TMEM135: variants seen among roughly 807,000 people sequenced by gnomAD.
TMEM135 encodes the protein transmembrane protein 135, also known as peroxisomal membrane protein 52.
TMEM135 carries 30 observed loss-of-function variants against 60.3 expected under a neutral mutation model. The observed-to-expected ratio is 0.50, with a 90% CI of 0.37 to 0.68. The LOEUF (loss-of-function observed/expected upper bound fraction) is 0.68, where lower values mean the gene tolerates loss of function less well. Among genes scored for constraint, TMEM135 ranks in the 30% least tolerant of loss-of-function variants. The pLI, the probability that TMEM135 is intolerant of heterozygous loss-of-function variation, is 0.00. For missense variants in TMEM135, 468 were observed against 548.8 expected, an observed-to-expected ratio of 0.85 and a Z score of 1.47; for synonymous variants, 190 against 186.7, an observed-to-expected ratio of 1.02 and a Z score of -0.14.
intron 6 of TMEM135, among the ~76,000 whole-genome samples, chr11:87,242,569 T>C (rs1941163080): frequency 9.5e-6 from 1 of 104,800 alleles, no homozygotes. Context: ...TGGTATCTCA[T>C]TGTGGTTTTG....
chr11:87,243,726 T>C (rs1277619036), intron 6 of TMEM135, among the ~76,000 whole-genome samples: 1 of 89,876 alleles, frequency 1.1e-5, no homozygotes, highest in Non-Finnish European at 2.7e-5. Context: ...TTTGCTGAAG[T>C]TGCTTATCAG....
chr11:87,321,488 A>C lies in TMEM135; in HGVS notation c.*155A>C. ...TGTTTTTCTTATGAATCAGAAATTC[A>C]GAAGCTTTTTAGGAAGATGTTGCTT... On this transcript the variant is annotated 3_prime_UTR_variant, in exon 15 of 15. Coordinates refer to ENST00000305494, the MANE Select transcript of TMEM135 (RefSeq NM_022918.4). 1.2e-6 allele frequency: 1 copy of C among 869,196 alleles called. No individual in the cohort carries two copies. Among genetic ancestry groups the C allele is most frequent in the South Asian group, 1.4e-5 (1 of 70,782 alleles). 53.8% of individuals were successfully genotyped at this position (869,196 alleles called of 1,614,324 possible). A position where few individuals can be genotyped will look rare whatever the true frequency, so the allele number is the denominator to read the frequency against.
At chr11:87,059,925 A>G (rs2513206) in intron 1 of TMEM135, among the ~76,000 whole-genome samples, 1 of 151,982 alleles carries the variant, frequency 6.6e-6, no homozygotes, top group Non-Finnish European at 1.5e-5. Flanking sequence ...ACCAGCCTGC[A>G]TAAAATGGTG....
chr11:87,185,992 T>C (rs546184890), intron 5 of TMEM135, among the ~76,000 whole-genome samples: 1 of 150,644 alleles, frequency 6.6e-6, no homozygotes, highest in Admixed American at 6.7e-5. Context: ...CTGCAACATT[T>C]GTCTCCCAGG....
At chr11:87,109,828 CT>C (rs35216554) in intron 4 of TMEM135, among the ~76,000 whole-genome samples, 9 of 150,104 alleles carry the variant, frequency 6.0e-5, no homozygotes, top group African/African-American at 1.5e-4. Flanking sequence ...AGCACCAACT[CT>C]TTTTTTTTTG....
At chr11:87,287,189 A>C (rs1416557506) in intron 6 of TMEM135, among the ~76,000 whole-genome samples, 2 of 152,250 alleles carry the variant, frequency 1.3e-5, no homozygotes, top group Non-Finnish European at 2.9e-5. Context: ...CATGAAGTAC[A>C]AATAGAGTAG....
At chr11:87,191,808 A>G (rs1939804980) in intron 5 of TMEM135, among the ~76,000 whole-genome samples, 1 of 152,106 alleles carries the variant, frequency 6.6e-6, no homozygotes, top group Non-Finnish European at 1.5e-5. Flanking sequence ...CTTTAAAGAC[A>G]TAACTTAGAA....
At chr11:87,066,713 A>G (rs1387384112) in intron 1 of TMEM135, among the ~76,000 whole-genome samples, 1 of 148,864 alleles carries the variant, frequency 6.7e-6, no homozygotes, top group Non-Finnish European at 1.5e-5. Context: ...AGTCTTTTGT[A>G]TTGGGACTTA....
intron 3 of TMEM135, 56 bp downstream of exon 3, chr11:87,071,671 A>T: frequency 7.4e-7 from 1 of 1,356,414 alleles, no homozygotes; most frequent in Non-Finnish European, 1.0e-6. Flanking sequence ...TACCCCAACT[A>T]TAATTTTTTT....
At chr11:87,257,133 A>G (rs1225189226) in intron 6 of TMEM135, among the ~76,000 whole-genome samples, 1 of 152,174 alleles carries the variant, frequency 6.6e-6, no homozygotes, top group East Asian at 1.9e-4. Flanking sequence ...TATCCTTTCG[A>G]GTTCTGGAAT....
chr11:87,198,025 C>G (rs1939999817), intron 5 of TMEM135, among the ~76,000 whole-genome samples: 1 of 152,020 alleles, frequency 6.6e-6, no homozygotes, highest in East Asian at 1.9e-4. Flanking sequence ...ATGATCAAGT[C>G]AGAATATTTG....
chr11:87,105,873 T>G (rs1857582029), intron 4 of TMEM135, among the ~76,000 whole-genome samples: 1 of 152,194 alleles, frequency 6.6e-6, no homozygotes, highest in African/African-American at 2.4e-5. Flanking sequence ...ACACTAGAAC[T>G]TATTTCCTGT....
chr11:87,256,573 C>G (rs1485815941), intron 6 of TMEM135, among the ~76,000 whole-genome samples: 1 of 151,980 alleles, frequency 6.6e-6, no homozygotes, highest in African/African-American at 2.4e-5. Context: ...AGACATGATG[C>G]CCTGTGAATT....
chr11:87,102,692 G>GTATATATATATGTATATATATGTA (rs1184182007), intron 4 of TMEM135, among the ~76,000 whole-genome samples: 2 of 90,388 alleles, frequency 2.2e-5, no homozygotes, highest in East Asian at 3.9e-4. Context: ...ATATGTGTGT[G>GTATATATATATGTATATATATGTA]TATATATATA....
At chr11:87,298,786 C>CAAAAAAAA (rs59740138) in intron 7 of TMEM135, among the ~76,000 whole-genome samples, 3,050 of 57,450 alleles carry the variant, frequency 0.053, 380 homozygotes, top group East Asian at 0.19. Context: ...GACTCTGTCT[C>CAAAAAAAA]AAAAAAAAAA....
chr11:87,102,915 C>T (rs1168288262), intron 4 of TMEM135, among the ~76,000 whole-genome samples: 1 of 152,008 alleles, frequency 6.6e-6, no homozygotes. Context: ...TCTTGTCTCA[C>T]TGAAACTTAT....
intron 6 of TMEM135, among the ~76,000 whole-genome samples, chr11:87,270,162 C>G (rs1041224208): frequency 8.7e-5 from 13 of 148,942 alleles, no homozygotes; most frequent in African/African-American, 2.5e-4. Context: ...AGTGTCTGTT[C>G]ATGTCCTTTG....
At chr11:87,100,524 ATGT>A (rs772291018) in intron 4 of TMEM135, among the ~76,000 whole-genome samples, 9 of 152,168 alleles carry the variant, frequency 5.9e-5, no homozygotes, top group Non-Finnish European at 1.3e-4. Flanking sequence ...AAATTTCTAA[ATGT>A]TGTGAGGTTT....
At chr11:87,297,225 AC>A (rs1175157462) in intron 7 of TMEM135, among the ~76,000 whole-genome samples, 1 of 152,172 alleles carries the variant, frequency 6.6e-6, no homozygotes, top group East Asian at 1.9e-4. Context: ...CTTCCCCTCC[AC>A]CCTGCAATCC....
Sources: gnomAD v4.1 joint callset for allele counts (sites outside exome capture counted in the v4.1 genomes callset) on GRCh38, gnomAD v4.1.1 for gene constraint, MANE v1.5 for transcripts, NCBI Gene and HGNC (gene_info 2026-07-23, HGNC 2026-07-21) for gene names.